USP47: variants seen among roughly 807,000 people sequenced by gnomAD.
USP47 encodes ubiquitin specific peptidase 47.
USP47 carries 35 observed loss-of-function variants against 165.1 expected under a neutral mutation model. The observed-to-expected ratio is 0.21, with a 90% CI of 0.16 to 0.28. USP47 has a LOEUF of 0.28. Ranked by LOEUF, USP47 falls within the 10% of genes least tolerant of loss-of-function variation. The probability of loss-of-function intolerance (pLI) is 1.00; values close to 1 mark genes in which losing one functional copy is unlikely to be tolerated. For missense variants in USP47, 1,277 were observed against 1,607.4 expected (o/e 0.79, Z 3.52); for synonymous variants, 531 against 544.5 (o/e 0.98, Z 0.35).
At chr11:11,844,843 A>G (rs543919370) in intron 1 of USP47, among the ~76,000 whole-genome samples, 13 of 152,108 alleles carry the variant, frequency 8.5e-5, no homozygotes, top group African/African-American at 2.9e-4. Flanking sequence ...TCAGTGAATA[A>G]TATATTTTGG....
At chr11:11,870,891 A>AT (rs1849995694) in intron 1 of USP47, among the ~76,000 whole-genome samples, 1 of 151,478 alleles carries the variant, frequency 6.6e-6, no homozygotes, top group Admixed American at 6.6e-5. Flanking sequence ...TTAGATACTT[A>AT]TTTTTTTTCT....
At chr11:11,862,161 GA>G (rs1298575274) in intron 1 of USP47, among the ~76,000 whole-genome samples, 3 of 151,842 alleles carry the variant, frequency 2.0e-5, no homozygotes, top group Non-Finnish European at 4.4e-5. Context: ...TTTAAAATGA[GA>G]TTACAGAATT....
At chr11:11,852,730 A>T (rs1254836800) in intron 1 of USP47, among the ~76,000 whole-genome samples, 3 of 152,158 alleles carry the variant, frequency 2.0e-5, no homozygotes, top group Admixed American at 2.0e-4. Context: ...TAGTCTTTCA[A>T]AAATTTCTTA....
chr11:11,956,476 T>A lies in USP47; in HGVS notation c.*301T>A, dbSNP rs1430291870. 4.3e-6 allele frequency: 1 copy of A among 230,170 alleles called. No individual in the cohort carries two copies. The highest frequency in any genetic ancestry group is 1.1e-4 in the South Asian group (1 of 8,882). 14.3% of individuals were successfully genotyped at this position (230,170 alleles called of 1,614,324 possible). On this transcript the variant is annotated 3_prime_UTR_variant, in exon 28 of 28. Transcript: ENST00000527733. ...AAAGGGGACAGGGGAATGAGTAAAC[T>A]TCTTTTATTGCGGACAAATGTGCAC...
chr11:11,861,973 A>C (rs1438402867), intron 1 of USP47, among the ~76,000 whole-genome samples: 1 of 152,094 alleles, frequency 6.6e-6, no homozygotes, highest in Non-Finnish European at 1.5e-5. Context: ...AATAAAGCAA[A>C]TCTACTTATA....
intron 1 of USP47, among the ~76,000 whole-genome samples, chr11:11,869,269 C>T (rs542871028): frequency 1.3e-5 from 2 of 151,828 alleles, no homozygotes; most frequent in South Asian, 4.2e-4. Flanking sequence ...TGTTTATGAT[C>T]CACATTTATG....
chr11:11,897,503 C>T, intron 4 of USP47, 94 bp from the exon 5 acceptor site: 2 of 953,988 alleles, frequency 2.1e-6, no homozygotes, highest in South Asian at 2.0e-5. Context: ...TAACTTTAAC[C>T]TCTGAATCTT....
At chr11:11,890,620 G>A (rs1851450998) in intron 3 of USP47, among the ~76,000 whole-genome samples, 1 of 152,146 alleles carries the variant, frequency 6.6e-6, no homozygotes, top group South Asian at 2.1e-4. Context: ...CAAAGACTTA[G>A]AGGCAGAAAT....
chr11:11,932,485 T>C (rs1468068737), intron 14 of USP47, among the ~76,000 whole-genome samples: 1 of 152,058 alleles, frequency 6.6e-6, no homozygotes, highest in Non-Finnish European at 1.5e-5. Flanking sequence ...AAGACTGCTT[T>C]GAGAACACAG....
In USP47 at chr11:11,929,537, A is replaced by G. The variant is rs371568699; in HGVS notation, c.1490A>G (p.Tyr497Cys). The change falls in exon 12 of 28, where the codon TAC becomes TGC. Residue 497 changes from tyrosine (Y) to cysteine (C), a missense_variant. This residue lies in a region of USP47 where 909 missense variants were observed against 1,068.1 expected (regional missense o/e 0.85). Coordinates refer to ENST00000527733, the MANE Select transcript of USP47 (RefSeq NM_001282659.2). ...AAGTCATTCAGTGATGAGCAGTGGT[A>G]CAGCTTCAATGATCAACATGTCAGC... Reference protein sequence around the residue: ...CIKSFSDEQWYSFNDQHVSRI... With the variant: ...CIKSFSDEQWCSFNDQHVSRI... 3 of 1,613,248 alleles carry G rather than the reference A, an allele frequency of 1.9e-6. No homozygotes were observed. Among genetic ancestry groups the G allele is most frequent in the Non-Finnish European group, 2.5e-6 (3 of 1,179,370 alleles).
intron 3 of USP47, among the ~76,000 whole-genome samples, chr11:11,889,988 T>G (rs965488463): frequency 6.6e-6 from 1 of 152,164 alleles, no homozygotes; most frequent in African/African-American, 2.4e-5. Flanking sequence ...CTGGGAGAAC[T>G]GGTGAGCCAT....
chr11:11,925,103 T>G (rs1332709697), intron 11 of USP47, among the ~76,000 whole-genome samples: 2 of 151,438 alleles, frequency 1.3e-5, no homozygotes, highest in Admixed American at 6.6e-5. Flanking sequence ...TTTTTTGTTT[T>G]AGTTTTTGGT....
At chr11:11,916,591 AAAG>A (rs1202394174) in intron 8 of USP47, among the ~76,000 whole-genome samples, 2 of 152,096 alleles carry the variant, frequency 1.3e-5, no homozygotes, top group Non-Finnish European at 1.5e-5. Context: ...GAGAAAATAG[AAAG>A]AAGATCTAAT....
intron 10 of USP47, 62 bp from the exon 11 acceptor site, chr11:11,922,662 G>A: frequency 7.1e-7 from 1 of 1,409,986 alleles, no homozygotes; most frequent in Non-Finnish European, 9.5e-7. Flanking sequence ...TAGGTACAAA[G>A]TTTTGTTGAA....
Position 11,928,652 on chromosome 11 carries a change from G to T in USP47, c.1387-782G>T, listed in dbSNP as rs535588995. On this transcript the variant is annotated intron_variant, in intron 11 of 27. Coordinates refer to ENST00000527733, the MANE Select transcript of USP47 (RefSeq NM_001282659.2). ...GTCTTCCTACCTGTTCTTTTTTTGT[G>T]ATAGAGTTACTGGTTTGCAGAGTCT... 3.3e-5 allele frequency among the ~76,000 whole-genome samples: 5 copies of T among 151,988 alleles called. No individual in the cohort carries two copies. The East Asian group carries it at 9.6e-4, about 29-fold the overall frequency.
chr11:11,856,019 G>T (rs1302401299), intron 1 of USP47, among the ~76,000 whole-genome samples: 1 of 152,154 alleles, frequency 6.6e-6, no homozygotes, highest in Non-Finnish European at 1.5e-5. Flanking sequence ...AGGCTGACTT[G>T]ATTATTATGT....
intron 7 of USP47, among the ~76,000 whole-genome samples, 200 bp from the exon 8 acceptor site, chr11:11,905,199 A>AT (rs142871969): frequency 0.035 from 5,255 of 150,758 alleles, 299 homozygotes; most frequent in African/African-American, 0.12. Flanking sequence ...TGTTGTTTTG[A>AT]TTTTTTCTAT....
Position 11,897,226 on chromosome 11 carries a change from TAGTTTAATATGTTTAAA to T in USP47, c.497-353_497-337del, listed in dbSNP as rs755213662. Among the ~76,000 whole-genome samples the T allele has an allele frequency of 4.1e-4, 62 of 152,052 alleles. 1 individual carries two copies. The South Asian group carries it at 5.9e-3, about 14-fold the overall frequency. Reference sequence around the variant, plus strand: ...ATGTTTATGCTTTTCCATTATAATCTAGTTTAATATGTTTAAAAGTTTAATATGTTTAAACGTTTAGA... The same window carrying T: ...ATGTTTATGCTTTTCCATTATAATCTAGTTTAATATGTTTAAACGTTTAGA... On this transcript the variant is annotated intron_variant, in intron 4 of 27. Coordinates refer to ENST00000527733, the MANE Select transcript of USP47 (RefSeq NM_001282659.2).
At chr11:11,932,728 A>G (rs1266264441) in intron 14 of USP47, among the ~76,000 whole-genome samples, 4 of 152,160 alleles carry the variant, frequency 2.6e-5, no homozygotes, top group African/African-American at 9.7e-5. Flanking sequence ...ATTCTAAAAT[A>G]TTAATCCACA....
Sources: allele counts gnomAD v4.1 joint callset (sites outside exome capture counted in the v4.1 genomes callset), GRCh38; gene constraint gnomAD v4.1.1; regional missense constraint gnomAD v4.1.1; transcripts MANE v1.5; gene names NCBI Gene and HGNC (gene_info 2026-07-23, HGNC 2026-07-21).